KCNJ18: variants seen among roughly 807,000 people sequenced by gnomAD.
KCNJ18 encodes the protein inward rectifier potassium channel 18.
A neutral mutation model predicts 17.3 loss-of-function variants in KCNJ18; 16 were observed. The ratio of observed to expected loss-of-function variants is 0.92; its 90% confidence interval spans 0.62 to 1.40. The LOEUF (loss-of-function observed/expected upper bound fraction) is 1.40, where lower values mean the gene tolerates loss of function less well. Ranked by LOEUF, KCNJ18 falls within the 40% of genes most tolerant of loss-of-function variation. KCNJ18 has a pLI of 0.00. For synonymous variants in KCNJ18, 185 were observed against 262.6 expected (o/e 0.70, Z 2.86); for missense variants, 462 against 626.8 (o/e 0.74, Z 2.81).
chr17:21,702,000 T>C (rs1905971671), intron 2 of KCNJ18, among the ~76,000 whole-genome samples: 1 of 152,254 alleles, frequency 6.6e-6, no homozygotes, highest in Non-Finnish European at 1.5e-5. Context: ...GGTTGATGGT[T>C]GAGTGCCCCC....
chr17:21,693,187 G>A (rs1235994591), intron 1 of KCNJ18, among the ~76,000 whole-genome samples: 3 of 152,304 alleles, frequency 2.0e-5, no homozygotes, highest in Non-Finnish European at 4.4e-5. Context: ...TGCAGGTGGC[G>A]GGAGCTCTGG....
At chr17:21,693,547 G>A (rs1905668621) in intron 1 of KCNJ18, among the ~76,000 whole-genome samples, 1 of 152,280 alleles carries the variant, frequency 6.6e-6, no homozygotes, top group South Asian at 2.1e-4. Context: ...CCAGGTGACT[G>A]TGCAGGTGAC....
chr17:21,704,285 C>T lies in KCNJ18; in HGVS notation c.*197C>T, dbSNP rs1309897785. 3 of 672,530 alleles carry T rather than the reference C, an allele frequency of 4.5e-6. No homozygotes were observed. The African/African-American group carries it at 5.4e-5, about 12-fold the overall frequency. 41.7% of individuals were successfully genotyped at this position (672,530 alleles called of 1,614,324 possible). On this transcript the variant is annotated 3_prime_UTR_variant, in exon 3 of 3. Transcript: ENST00000567955. ...GGGCAGCCAGAGCGGCAGCCCCCGG[C>T]CTCAGAGGCTATCACAGGCTCAGGG...
intron 2 of KCNJ18, among the ~76,000 whole-genome samples, chr17:21,698,595 G>A (rs1250699517): frequency 3.3e-5 from 5 of 152,100 alleles, no homozygotes; most frequent in East Asian, 1.9e-4. Context: ...CCTTGCCCTG[G>A]GCTCCTCCCA....
At chr17:21,702,533 G>A (rs1348360464) in intron 2 of KCNJ18, among the ~76,000 whole-genome samples, 198 bp from the exon 3 acceptor site, 6 of 152,236 alleles carry the variant, frequency 3.9e-5, no homozygotes, top group Admixed American at 3.9e-4. Flanking sequence ...GTTTTTGGCT[G>A]GAGCTGCTGG....
chr17:21,702,802 C>T lies in KCNJ18; in HGVS notation c.16C>T (p.Arg6Trp), dbSNP rs1251285066. 52 of 1,591,592 alleles carry T rather than the reference C, an allele frequency of 3.3e-5. No individual in the cohort carries two copies. The highest frequency in any genetic ancestry group is 5.4e-5 in the African/African-American group (4 of 74,688). ...AACCCCCGGGATGACCGCGGCCAGC[C>T]GGGCCAACCCCTACAGCATCGTGTC... The part of the protein sequence containing the change: MTAAS[R>W]ANPYSIVSLE... The change falls in exon 3 of 3, where the codon CGG becomes TGG. Residue 6 changes from arginine (R) to tryptophan (W), a missense_variant. Around this residue, in one of 5 missense-constraint regions of KCNJ18, gnomAD observed 237 missense variants for 259.4 expected, o/e 0.91. Coordinates refer to ENST00000567955, the MANE Select transcript of KCNJ18 (RefSeq NM_001194958.2).
rs1220562348 is a variant in KCNJ18, at chr17:21,701,266, T to C, written c.-56-1465T>C. ...TGGATGCCCTGCTGCGGGGCCTGTC[T>C]TGGGGTGCCTGAATGTGCAGTAGGC... On this transcript the variant is annotated intron_variant, in intron 2 of 2. Transcript: ENST00000567955. Among the ~76,000 whole-genome samples the C allele has an allele frequency of 5.0e-4, 76 of 152,346 alleles. No individual in the cohort carries two copies. The East Asian group carries it at 0.01, about 21-fold the overall frequency.
intron 2 of KCNJ18, among the ~76,000 whole-genome samples, chr17:21,701,564 G>A (rs1221326593): frequency 1.3e-5 from 2 of 152,196 alleles, no homozygotes; most frequent in Admixed American, 1.3e-4. Context: ...AGCTTGGGGT[G>A]TTCAAAGTGG....
chr17:21,693,066 G>A (rs1265154452), intron 1 of KCNJ18, among the ~76,000 whole-genome samples: 1 of 152,312 alleles, frequency 6.6e-6, no homozygotes, highest in South Asian at 2.1e-4. Flanking sequence ...CGTGGTCATG[G>A]GGAAGCACTG....
chr17:21,699,374 G>A (rs1905863833), intron 2 of KCNJ18, among the ~76,000 whole-genome samples: 1 of 152,152 alleles, frequency 6.6e-6, no homozygotes, highest in Non-Finnish European at 1.5e-5. Flanking sequence ...CTAGCTTGTG[G>A]TGCTAGGGTT....
chr17:21,703,034 T>C lies in KCNJ18; in HGVS notation c.248T>C (p.Met83Thr), dbSNP rs1212765209. 25 of 1,613,274 alleles carry C rather than the reference T, an allele frequency of 1.5e-5. No homozygotes were observed. Among genetic ancestry groups the C allele is most frequent in the Non-Finnish European group, 1.8e-5 (21 of 1,179,916 alleles). Residue 83 changes from methionine (M) to threonine (T), a missense_variant, in exon 3 of 3, where the codon ATG becomes ACG. Physicochemically the swap from Met to Thr is moderately conservative, Grantham distance 81 (BLOSUM62 -1). Coordinates refer to ENST00000567955, the MANE Select transcript of KCNJ18 (RefSeq NM_001194958.2). ...TTCVDIRWRY[M>T]LLIFSLAFLA... ...TGTGTGGACATCCGCTGGCGCTACA[T>C]GCTGCTCATCTTCTCGCTGGCCTTC...
chr17:21,701,073 G>A (rs1263643093), intron 2 of KCNJ18, among the ~76,000 whole-genome samples: 15 of 151,930 alleles, frequency 9.9e-5, no homozygotes, highest in African/African-American at 3.1e-4. Flanking sequence ...AAGGCAGGCT[G>A]CCATCCAGAT....
intron 2 of KCNJ18, among the ~76,000 whole-genome samples, chr17:21,696,890 C>A (rs1423593644): frequency 2.0e-5 from 3 of 152,014 alleles, no homozygotes; most frequent in African/African-American, 7.2e-5. Flanking sequence ...AAGGTTCCAG[C>A]GCAAGTAGTT....
chr17:21,694,544 T>A (rs1278859349), intron 1 of KCNJ18, among the ~76,000 whole-genome samples: 2 of 151,942 alleles, frequency 1.3e-5, no homozygotes, highest in Non-Finnish European at 2.9e-5. Context: ...TATCCATCCA[T>A]CTACCCACTC....
At chr17:21,700,208 T>G (rs1905907193) in intron 2 of KCNJ18, among the ~76,000 whole-genome samples, 1 of 150,104 alleles carries the variant, frequency 6.7e-6, no homozygotes, top group East Asian at 2.0e-4. Context: ...CACAGCGGTG[T>G]TGGGGAAGGA....
intron 1 of KCNJ18, among the ~76,000 whole-genome samples, chr17:21,695,083 T>C (rs1377530425): frequency 1.3e-5 from 2 of 151,692 alleles, no homozygotes; most frequent in East Asian, 3.9e-4. Context: ...CTCCATTCAT[T>C]CATCTACCCA....
intron 2 of KCNJ18, among the ~76,000 whole-genome samples, chr17:21,698,062 A>G (rs1447696877): frequency 2.6e-5 from 4 of 151,280 alleles, no homozygotes; most frequent in African/African-American, 9.7e-5. Context: ...AGTGCTGGTG[A>G]GGGCCCTTGA....
intron 2 of KCNJ18, among the ~76,000 whole-genome samples, chr17:21,697,862 T>A (rs2142268504): frequency 6.6e-6 from 1 of 152,428 alleles, no homozygotes; most frequent in South Asian, 2.1e-4. Context: ...CTGCTCTGGA[T>A]GCAGTGGATG....
chr17:21,701,391 A>C (rs1403875554), intron 2 of KCNJ18, among the ~76,000 whole-genome samples: 43 of 152,416 alleles, frequency 2.8e-4, no homozygotes, highest in African/African-American at 9.1e-4. Flanking sequence ...CAGCCTTGCA[A>C]TCTTCCTTAG....
Sources: gnomAD v4.1 joint callset for allele counts (sites outside exome capture counted in the v4.1 genomes callset) on GRCh38, gnomAD v4.1.1 for gene constraint, gnomAD v4.1.1 regional missense constraint, MANE v1.5 for transcripts, NCBI Gene and HGNC (gene_info 2026-07-23, HGNC 2026-07-21) for gene names.